The following USP32 variants were observed in gnomAD, a reference collection of about 807,000 sequenced individuals.
USP32 encodes ubiquitin specific peptidase 32.
Under a neutral mutation model 204.8 loss-of-function variants are expected in USP32, and 59 were observed. The ratio of observed to expected loss-of-function variants is 0.29; its 90% CI spans 0.23 to 0.36. USP32 has a LOEUF of 0.36. USP32 is among the 10% of genes least tolerant of loss of function. USP32 has a pLI of 1.00. For synonymous variants in USP32, 517 were observed against 678.4 expected (o/e 0.76, Z 3.70); for missense variants, 1,160 against 1,946.4 (o/e 0.60, Z 7.60).
At chr17:60,364,181 TTC>T (rs1177214920) in intron 1 of USP32, among the ~76,000 whole-genome samples, 2 of 152,164 alleles carry the variant, frequency 1.3e-5, no homozygotes, top group East Asian at 3.9e-4. Context: ...GCAAAGCAAG[TTC>T]TCTCAGGCCT....
intron 3 of USP32, among the ~76,000 whole-genome samples, chr17:60,295,992 ATGT>A (rs113092127): frequency 0.021 from 3,264 of 152,292 alleles, 133 homozygotes; most frequent in African/African-American, 0.074. Flanking sequence ...ACACATAAAC[ATGT>A]TGTATAAAAA....
rs566738172 is a variant in USP32, at chr17:60,355,628, T to C, written c.59-10020A>G. 8.6e-5 allele frequency among the ~76,000 whole-genome samples: 13 copies of C among 151,936 alleles called. No homozygotes were observed. In the South Asian group the frequency reaches 2.7e-3, roughly 32 times the overall value. On this transcript the variant is annotated intron_variant, in intron 1 of 33. Transcript: ENST00000300896. The stretch of plus-strand genomic sequence containing the variant: ...TTGGGTGACTGAAGCAGATGAATTG[T>C]TTGAGCCTAAGAGTTTAAGACCAGC...
At chr17:60,265,669 A>G (rs1211806682) in intron 8 of USP32, among the ~76,000 whole-genome samples, 195 bp from the exon 9 acceptor site, 2 of 152,170 alleles carry the variant, frequency 1.3e-5, no homozygotes, top group African/African-American at 4.8e-5. Context: ...AAGTGCGGAG[A>G]TTCCAGGCAA....
intron 5 of USP32, among the ~76,000 whole-genome samples, chr17:60,281,789 T>C (rs910527416): frequency 7.2e-5 from 11 of 152,178 alleles, no homozygotes; most frequent in African/African-American, 2.4e-4. Flanking sequence ...TTTCTCAAAA[T>C]GCAGTTCATG....
At chr17:60,301,490 T>G (rs753997793) in intron 3 of USP32, 109 bp downstream of exon 3, 4 of 632,594 alleles carry the variant, frequency 6.3e-6, no homozygotes, top group Non-Finnish European at 1.0e-5. Flanking sequence ...ACCACTTGTA[T>G]ATCTTCTTTG....
chr17:60,257,273 AT>A (rs1302730496), intron 9 of USP32, among the ~76,000 whole-genome samples: 1 of 152,094 alleles, frequency 6.6e-6, no homozygotes, highest in East Asian at 1.9e-4. Flanking sequence ...GAAGGAGAGG[AT>A]TGGAAAGTCC....
At chr17:60,243,618 T>A (rs143489423) in intron 11 of USP32, among the ~76,000 whole-genome samples, 1 of 152,214 alleles carries the variant, frequency 6.6e-6, no homozygotes, top group Non-Finnish European at 1.5e-5. Context: ...TGTCACAAAA[T>A]ATTTATCCCC....
chr17:60,202,443 T>TCACACAC (rs1555582937), intron 26 of USP32, among the ~76,000 whole-genome samples: 3 of 140,668 alleles, frequency 2.1e-5, no homozygotes, highest in Non-Finnish European at 3.1e-5. Flanking sequence ...GCTTATCAAA[T>TCACACAC]CACACACACA....
chr17:60,329,458 T>C (rs1294480287), intron 2 of USP32, among the ~76,000 whole-genome samples: 1 of 151,606 alleles, frequency 6.6e-6, no homozygotes, highest in Non-Finnish European at 1.5e-5. Flanking sequence ...AAATTTATTA[T>C]CATTATAATT....
At chr17:60,273,404 G>T (rs1191815176) in intron 5 of USP32, among the ~76,000 whole-genome samples, 1 of 152,102 alleles carries the variant, frequency 6.6e-6, no homozygotes, top group African/African-American at 2.4e-5. Context: ...ACTCCAGAGG[G>T]TCTCTACTTA....
chr17:60,203,652 C>T (rs1416150028), intron 26 of USP32, among the ~76,000 whole-genome samples: 1 of 152,030 alleles, frequency 6.6e-6, no homozygotes, highest in Non-Finnish European at 1.5e-5. Context: ...TCTCGGCTCA[C>T]TGCAACCTCC....
intron 2 of USP32, among the ~76,000 whole-genome samples, chr17:60,338,384 G>A (rs769764684): frequency 1.8e-4 from 27 of 151,750 alleles, no homozygotes; most frequent in Non-Finnish European, 4.0e-4. Context: ...TTTGAGAGGA[G>A]TAGATGTTCT....
rs2146004264 is a variant in USP32, at chr17:60,345,487, A to T, written c.180T>A (p.Val60=). The change falls in exon 2 of 34, where the codon GTT becomes GTA. Residue 60 remains valine, a synonymous_variant. Transcript: ENST00000300896. The part of the protein sequence containing the change: ...EVLGDGVPPK[V]AEVIYCSFGG... ...CTTAGAACAAAAAGATTACCTCAGC[A>T]ACCTTTGGAGGCACTCCATCCCCAA... The T allele has an allele frequency of 6.2e-7, 1 of 1,613,856 alleles. No homozygotes were observed. Among genetic ancestry groups the T allele is most frequent in the East Asian group, 2.2e-5 (1 of 44,872 alleles).
chr17:60,247,357 T>C (rs1369277355), intron 11 of USP32, among the ~76,000 whole-genome samples: 1 of 151,830 alleles, frequency 6.6e-6, no homozygotes, highest in Non-Finnish European at 1.5e-5. Context: ...TTTTTGTACT[T>C]TGAGTAGAGA....
At chr17:60,303,287 C>T (rs556853861) in intron 2 of USP32, among the ~76,000 whole-genome samples, 65 of 152,218 alleles carry the variant, frequency 4.3e-4, no homozygotes, top group African/African-American at 1.4e-3. Context: ...ACACCTTTAT[C>T]CCTGGGGAAG....
intron 1 of USP32, among the ~76,000 whole-genome samples, chr17:60,407,148 G>A (rs988270116): frequency 1.3e-5 from 2 of 152,206 alleles, no homozygotes; most frequent in Non-Finnish European, 2.9e-5. Context: ...CAATCTCACT[G>A]AGGACGCACA....
At chr17:60,367,107 G>A (rs778907857) in intron 1 of USP32, among the ~76,000 whole-genome samples, 5 of 152,276 alleles carry the variant, frequency 3.3e-5, no homozygotes, top group Admixed American at 6.5e-5. Context: ...GATTACAGGC[G>A]TGAGCCACCG....
intron 1 of USP32, among the ~76,000 whole-genome samples, chr17:60,364,380 G>A (rs1312061022): frequency 6.6e-6 from 1 of 152,124 alleles, no homozygotes; most frequent in Non-Finnish European, 1.5e-5. Flanking sequence ...TGGTTTTTGA[G>A]GGGTTGTCTG....
chr17:60,344,478 G>T (rs866148060), intron 2 of USP32, among the ~76,000 whole-genome samples: 2 of 149,902 alleles, frequency 1.3e-5, no homozygotes, highest in Non-Finnish European at 3.0e-5. Flanking sequence ...TTGAGACAGG[G>T]TCTCACTGTC....
Sources: gnomAD v4.1 joint callset for allele counts (sites outside exome capture counted in the v4.1 genomes callset) on GRCh38, gnomAD v4.1.1 for gene constraint, MANE v1.5 for transcripts, NCBI Gene and HGNC (gene_info 2026-07-23, HGNC 2026-07-21) for gene names.